The following KIF13A variants were observed in gnomAD, a reference collection of about 807,000 sequenced individuals.
KIF13A encodes kinesin family member 13A, also known as kinesin-like protein KIF13A.
A neutral mutation model predicts 212.2 loss-of-function variants in KIF13A; 79 were observed. That is an observed-to-expected ratio of 0.37 (90% confidence interval 0.31 to 0.45). The LOEUF is 0.45. Ranked by LOEUF, KIF13A falls within the 20% of genes least tolerant of loss-of-function variation. KIF13A has a pLI of 1.00. For missense variants in KIF13A, 1,901 were observed against 2,209.0 expected (o/e 0.86, Z 2.79); for synonymous variants, 789 against 808.6 (o/e 0.98, Z 0.41).
rs1035390368 is a variant in KIF13A, at chr6:17,892,023, C to T, written c.159+6145G>A. The stretch of plus-strand genomic sequence containing the variant: ...TACTCTCTTCACCCCAATAATTTAC[C>T]TGATCTTTGTAAGGCAGAGTCGGCA... On this transcript the variant is annotated intron_variant, in intron 3 of 38. Transcript: ENST00000259711. The surrounding 1 kb of genome is among the most constrained non-coding windows in gnomAD (Gnocchi z 4.7). Among the ~76,000 whole-genome samples the T allele has an allele frequency of 9.9e-5, 15 of 152,140 alleles. No individual in the cohort carries two copies. The highest frequency in any genetic ancestry group is 3.6e-4 in the African/African-American group (15 of 41,424).
intron 28 of KIF13A, among the ~76,000 whole-genome samples, chr6:17,784,653 G>A (rs1053761261): frequency 9.9e-5 from 15 of 152,130 alleles, no homozygotes; most frequent in African/African-American, 3.4e-4. Flanking sequence ...CACTTTACAC[G>A]AGAGAGACTG....
At chr6:17,866,616 G>A (rs934015930) in intron 4 of KIF13A, among the ~76,000 whole-genome samples, 1 of 151,906 alleles carries the variant, frequency 6.6e-6, no homozygotes, top group Non-Finnish European at 1.5e-5. Flanking sequence ...AGTGCATGTA[G>A]AGGGATCGGC....
rs1019753708 is a variant in KIF13A, at chr6:17,779,077, C to T, written c.3962G>A (p.Arg1321Gln). 4 of 1,613,518 alleles carry T rather than the reference C, an allele frequency of 2.5e-6. No homozygotes were observed. The highest frequency in any genetic ancestry group is 1.1e-5 in the South Asian group (1 of 91,046). ...TGCTGCCAGGAGAGCCAGCGTTTCC[C>T]GGTCCTCTATCTCCTCAGTTGCCTA... ...IPKATEEIEDRETLALLAARS... is the reference protein window; with the variant it reads ...IPKATEEIEDQETLALLAARS... The change falls in exon 33 of 39, where the codon CGG becomes CAG. Residue 1321 changes from arginine to glutamine, a missense_variant. Physicochemically the swap from Arg to Gln is conservative, Grantham distance 43. Around this residue, in one of 5 missense-constraint regions of KIF13A, gnomAD observed 687 missense variants for 759.1 expected, o/e 0.90. Coordinates refer to ENST00000259711, the MANE Select transcript of KIF13A (RefSeq NM_022113.6).
chr6:17,878,998 G>A (rs1017979581), intron 3 of KIF13A, among the ~76,000 whole-genome samples: 4 of 152,282 alleles, frequency 2.6e-5, no homozygotes, highest in Admixed American at 2.6e-4. Flanking sequence ...TGGAGTATAG[G>A]TTGTTATTTT....
intron 2 of KIF13A, among the ~76,000 whole-genome samples, chr6:17,960,402 T>G (rs1778712576): frequency 6.6e-6 from 1 of 152,232 alleles, no homozygotes; most frequent in African/African-American, 2.4e-5. Context: ...ATAACACTGC[T>G]AAACTTTAAA....
rs1442251806 is a variant in KIF13A at position 17,782,902 on chromosome 6, C to T, written c.3544+744G>A. ...CCAACTAGTCTTTGTTTATATACCT[C>T]CTATGACAGGGAACTCACTATCTTA... is the stretch of plus-strand genomic sequence containing the variant. On this transcript the variant is annotated intron_variant, in intron 29 of 38. Transcript: ENST00000259711. 2.6e-5 allele frequency among the ~76,000 whole-genome samples: 4 copies of T among 152,284 alleles called. No homozygotes were observed. The East Asian group carries it at 7.7e-4, about 29-fold the overall frequency.
intron 2 of KIF13A, among the ~76,000 whole-genome samples, chr6:17,943,584 G>C (rs1015250506): frequency 6.6e-6 from 1 of 152,046 alleles, no homozygotes; most frequent in African/African-American, 2.4e-5. Flanking sequence ...TGGAGGCTGA[G>C]AATGTGCATT....
chr6:17,985,503 G>A (rs1191779833), intron 2 of KIF13A, among the ~76,000 whole-genome samples: 2 of 152,000 alleles, frequency 1.3e-5, no homozygotes, highest in Non-Finnish European at 2.9e-5. Context: ...CAAGGAGCAG[G>A]TGCCAAGCCA....
At chr6:17,810,010 T>G (rs529161687) in intron 17 of KIF13A, among the ~76,000 whole-genome samples, 1 of 152,160 alleles carries the variant, frequency 6.6e-6, no homozygotes, top group Non-Finnish European at 1.5e-5. Flanking sequence ...GAGGATCACT[T>G]GAGGCCAGGA....
intron 2 of KIF13A, among the ~76,000 whole-genome samples, chr6:17,916,647 A>G (rs1433837103): frequency 6.6e-6 from 1 of 152,224 alleles, no homozygotes; most frequent in Admixed American, 6.5e-5. Context: ...CATTATGATG[A>G]TGGAATTCTT....
At position 17,900,689 on chromosome 6, in the gene KIF13A, C is replaced by G. The variant is rs1334837054; in HGVS notation, c.147-2509G>C. Among the ~76,000 whole-genome samples, 2 of 152,208 alleles carry G rather than the reference C, an allele frequency of 1.3e-5. No homozygotes were observed. Among genetic ancestry groups the G allele is most frequent in the Non-Finnish European group, 2.9e-5 (2 of 68,042 alleles). Reference sequence around the variant, plus strand: ...ATTGATACATCCTCTACTTCATTCACTGATACAACCTGTACTTCATTCATT... The same window carrying G: ...ATTGATACATCCTCTACTTCATTCAGTGATACAACCTGTACTTCATTCATT... On this transcript the variant is annotated intron_variant, in intron 2 of 38. Coordinates refer to ENST00000259711, the MANE Select transcript of KIF13A (RefSeq NM_022113.6). This position sits in a 1 kb window ranked among gnomAD's most constrained non-coding sequence, Gnocchi z 4.6.
Position 17,769,138 on chromosome 6 carries a change from T to C in KIF13A, c.4581+1976A>G, listed in dbSNP as rs1759279163. On this transcript the variant is annotated intron_variant, in intron 38 of 38. Transcript: ENST00000259711. This position sits in a 1 kb window ranked among gnomAD's most constrained non-coding sequence, Gnocchi z 5.8. ...TTCAAGAGTGGAAGAGAAAAGAACGTGAATTAGTCACAAAGGAAGAAAACA... is the reference window on the plus strand; with the variant it reads ...TTCAAGAGTGGAAGAGAAAAGAACGCGAATTAGTCACAAAGGAAGAAAACA... Among the ~76,000 whole-genome samples, 1 of 152,166 alleles carries C rather than the reference T, an allele frequency of 6.6e-6. No homozygotes were observed. The highest frequency in any genetic ancestry group is 1.9e-4 in the East Asian group (1 of 5,196).
At chr6:17,831,035 C>T in intron 13 of KIF13A, 66 bp downstream of exon 13, 1 of 1,468,942 alleles carries the variant, frequency 6.8e-7, no homozygotes, top group Non-Finnish European at 9.2e-7. Context: ...AGACAGGCAC[C>T]CAGATTCAAC....
Position 17,987,288 on chromosome 6 carries a change from C to A in KIF13A, c.55+121G>T. 1 of 847,654 alleles carries A rather than the reference C, an allele frequency of 1.2e-6. No individual in the cohort carries two copies. The highest frequency in any genetic ancestry group is 1.5e-6 in the Non-Finnish European group (1 of 655,186). 52.5% of individuals were successfully genotyped at this position (847,654 alleles called of 1,614,324 possible). A position where few individuals can be genotyped will look rare whatever the true frequency, so the allele number is the denominator to read the frequency against. On this transcript the variant is annotated intron_variant, in intron 1 of 38. Transcript: ENST00000259711. This position sits in a 1 kb window ranked among gnomAD's most constrained non-coding sequence, Gnocchi z 7.7. Reference sequence around the variant, plus strand: ...CCCCGGGCACCACGGCCAGCGCGGACGCCGCCTCCGCCCCGGCCCCCCGGC... The same window carrying A: ...CCCCGGGCACCACGGCCAGCGCGGAAGCCGCCTCCGCCCCGGCCCCCCGGC...
At chr6:17,938,086 G>T (rs1326738618) in intron 2 of KIF13A, among the ~76,000 whole-genome samples, 19 of 151,396 alleles carry the variant, frequency 1.3e-4, no homozygotes, top group Admixed American at 1.3e-3. Context: ...GTAGAGATGG[G>T]GACTCACTAT....
rs560052658 is a variant in KIF13A, at chr6:17,826,884, A to C, written c.1533-760T>G. On this transcript the variant is annotated intron_variant, in intron 14 of 38. Transcript: ENST00000259711. The surrounding 1 kb of genome is among the most constrained non-coding windows in gnomAD (Gnocchi z 4.7). ...AGATATTTATAGATACAATGTTATA[A>C]AATCTGGAATCTACTTTAAAATAAT... Among the ~76,000 whole-genome samples, 101 of 152,148 alleles carry C rather than the reference A, an allele frequency of 6.6e-4. No homozygotes were observed. The highest frequency in any genetic ancestry group is 2.4e-3 in the African/African-American group (98 of 41,538).
At chr6:17,962,686 A>G (rs1287570902) in intron 2 of KIF13A, among the ~76,000 whole-genome samples, 2 of 152,204 alleles carry the variant, frequency 1.3e-5, no homozygotes, top group Non-Finnish European at 2.9e-5. Context: ...GCTCAACCAC[A>G]GAGTACTTCT....
rs773057861 is a variant in KIF13A, at chr6:17,855,485, T to C, written c.446A>G (p.Tyr149Cys). Residue 149 changes from tyrosine (Y) to cysteine (C), a missense_variant, in exon 6 of 39, where the codon TAT (tyrosine) becomes TGT (cysteine). Around this residue, in one of 5 missense-constraint regions of KIF13A, gnomAD observed 506 missense variants for 637.4 expected, o/e 0.79. Coordinates refer to ENST00000259711, the MANE Select transcript of KIF13A (RefSeq NM_022113.6). This position sits in a 1 kb window ranked among gnomAD's most constrained non-coding sequence, Gnocchi z 4.1. ...ESQTFKVEVS[Y>C]MEIYNEKVRD... ...AACTTTCTCATTATAAATTTCCATATAGGACACTTCAACTTTAAAGGTCTG... is the reference window on the plus strand; with the variant it reads ...AACTTTCTCATTATAAATTTCCATACAGGACACTTCAACTTTAAAGGTCTG... 4 of 1,613,786 alleles carry C rather than the reference T, an allele frequency of 2.5e-6. No homozygotes were observed. Among genetic ancestry groups the C allele is most frequent in the Non-Finnish European group, 3.4e-6 (4 of 1,179,766 alleles).
At position 17,951,133 on chromosome 6, in the gene KIF13A, T is replaced by C. The variant is rs1777810511; in HGVS notation, c.146+35921A>G. The C allele has an allele frequency of 3.3e-6, 4 of 1,203,458 alleles. No individual in the cohort carries two copies. The highest frequency in any genetic ancestry group is 4.1e-6 in the Non-Finnish European group (4 of 969,792). The allele number at this position is 1,203,458 out of a possible 1,614,324, so 74.5% of individuals were successfully genotyped here. A position where few individuals can be genotyped will look rare whatever the true frequency, so the allele number is the denominator to read the frequency against. On this transcript the variant is annotated intron_variant, in intron 2 of 38. Transcript: ENST00000259711. The surrounding 1 kb of genome is among the most constrained non-coding windows in gnomAD (Gnocchi z 4.9). ...CCATTTATTCATATGTGGGGTCTGA[T>C]GCAATTCACCTCACGCCACTTTAAT...
Sources: gnomAD v4.1 joint callset for allele counts (sites outside exome capture counted in the v4.1 genomes callset) on GRCh38, gnomAD v4.1.1 for gene constraint, gnomAD v4.1.1 regional missense constraint, Gnocchi (gnomAD v3.1) non-coding constraint, MANE v1.5 for transcripts, NCBI Gene and HGNC (gene_info 2026-07-23, HGNC 2026-07-21) for gene names.